The following R3HCC1 variants were observed in gnomAD, a reference collection of about 807,000 sequenced individuals.
R3HCC1 encodes the protein R3H domain and coiled-coil containing 1, also known as R3H and coiled-coil domain-containing protein 1.
Under a neutral mutation model 40.0 loss-of-function variants are expected in R3HCC1, and 32 were observed. The observed-to-expected ratio is 0.80, with a 90% CI of 0.60 to 1.07. The LOEUF is 1.07. R3HCC1 is among the 50% of genes least tolerant of loss of function. R3HCC1 has a pLI of 0.00. For missense variants in R3HCC1, 586 were observed against 563.3 expected (o/e 1.04, Z -0.41); for synonymous variants, 237 against 232.8 (o/e 1.02, Z -0.17).
At position 23,288,501 on chromosome 8, in the gene R3HCC1, T is replaced by TA. The variant is rs1319095249; in HGVS notation, c.-18-4dup. 13 of 1,535,984 alleles carry TA rather than the reference T, an allele frequency of 8.5e-6. No homozygotes were observed. Among genetic ancestry groups the TA allele is most frequent in the Non-Finnish European group, 1.1e-5 (13 of 1,146,804 alleles). On this transcript the variant is annotated splice_region_variant and splice_polypyrimidine_tract_variant and intron_variant, in intron 1 of 7. Transcript: ENST00000265806. Reference sequence around the variant, plus strand: ...GATTCCCGGCCCTGCCCGTCTCTCTTACAGGCTCTCCCACCTGTCACCCTG... The same window carrying TA: ...GATTCCCGGCCCTGCCCGTCTCTCTTAACAGGCTCTCCCACCTGTCACCCTG...
chr8:23,290,238 G>A lies in R3HCC1; in HGVS notation c.621G>A (p.Leu207=). 6.4e-7 allele frequency: 1 copy of A among 1,551,766 alleles called. No homozygotes were observed. The highest frequency in any genetic ancestry group is 8.7e-7 in the Non-Finnish European group (1 of 1,147,004). ...GACAAAGGTGTGAGAATGAGCCACT[G>A]CTGGACCCTGTTGGCCCTGAGCCTC... The change falls in exon 4 of 8, where the codon CTG becomes CTA. Residue 207 remains leucine, a synonymous_variant. Transcript: ENST00000265806.
rs1350090573 is a variant in R3HCC1 at position 23,291,537 on chromosome 8, AGTG to A, written c.1025+9_1025+11del. On this transcript the variant is annotated splice_donor_5th_base_variant and intron_variant, in intron 5 of 7. Coordinates refer to ENST00000265806, the MANE Select transcript of R3HCC1 (RefSeq NM_001136108.3). ...TGGCAACGTTTTCTGAGTTCCAGTGAGTGGTGGCTGGGGAGGTGCTGCCTTCAG... is the reference window on the plus strand; with the variant it reads ...TGGCAACGTTTTCTGAGTTCCAGTGAGTGGCTGGGGAGGTGCTGCCTTCAG... The A allele has an allele frequency of 6.5e-7, 1 of 1,550,098 alleles. No homozygotes were observed. The highest frequency in any genetic ancestry group is 8.7e-7 in the Non-Finnish European group (1 of 1,146,700).
chr8:23,292,136 C>CT (rs988778050), intron 5 of R3HCC1, among the ~76,000 whole-genome samples: 16 of 151,398 alleles, frequency 1.1e-4, no homozygotes, highest in South Asian at 4.2e-4. Context: ...TCTTTCTCCT[C>CT]TTTTTTTTTG....
At chr8:23,288,778 C>A in intron 2 of R3HCC1, 145 bp downstream of exon 2, 3 of 1,123,964 alleles carry the variant, frequency 2.7e-6, no homozygotes, top group Non-Finnish European at 3.7e-6. Context: ...CCTCTTTTAG[C>A]TGCATCTTTG....
At chr8:23,294,708 T>A (rs1802951249) in intron 6 of R3HCC1, 61 bp from the exon 7 acceptor site, 1 of 1,248,328 alleles carries the variant, frequency 8.0e-7, no homozygotes, top group African/African-American at 1.5e-5. Flanking sequence ...TTCGGGGTGG[T>A]GGGTGTGCCG....
chr8:23,294,461 C>T (rs941616976), intron 6 of R3HCC1, among the ~76,000 whole-genome samples: 1 of 152,108 alleles, frequency 6.6e-6, no homozygotes, highest in Admixed American at 6.5e-5. Flanking sequence ...TGTGTTTAGC[C>T]CTGGGGCTTT....
intron 4 of R3HCC1, 76 bp downstream of exon 4, chr8:23,290,545 G>T: frequency 2.1e-6 from 3 of 1,461,124 alleles, no homozygotes; most frequent in Admixed American, 2.3e-5. Context: ...GGGACCAAGG[G>T]TTATGGTGTG....
At chr8:23,288,674 AG>A (rs1294052789) in intron 2 of R3HCC1, 41 bp downstream of exon 2, 2 of 1,529,508 alleles carry the variant, frequency 1.3e-6, no homozygotes, top group African/African-American at 1.4e-5. Flanking sequence ...CTTGCTGGGA[AG>A]GGCAGGGTTC....
chr8:23,288,550 C>T lies in R3HCC1; in HGVS notation c.27C>T (p.Val9=). The T allele has an allele frequency of 6.5e-7, 1 of 1,536,040 alleles. No homozygotes were observed. The highest frequency in any genetic ancestry group is 8.7e-7 in the Non-Finnish European group (1 of 1,146,872). ...TGGCCCTTCTCTGCTTGGATGGTGT[C>T]TTCCTCTCCTCAGCCGAGAATGACT... Residue 9 remains valine, a synonymous_variant, in exon 2 of 8, where the codon GTC becomes GTT. Transcript: ENST00000265806.
At chr8:23,289,258 C>G in intron 3 of R3HCC1, 105 bp downstream of exon 3, 1 of 1,284,610 alleles carries the variant, frequency 7.8e-7, no homozygotes, top group Non-Finnish European at 1.1e-6. Flanking sequence ...AGGGCTGGGA[C>G]CCCCGGCTGC....
chr8:23,295,849 G>T, intron 7 of R3HCC1, 118 bp from the exon 8 acceptor site: 1 of 1,350,308 alleles, frequency 7.4e-7, no homozygotes, highest in Non-Finnish European at 9.9e-7. Context: ...GCTGGGCCGA[G>T]GCCCCACATG....
chr8:23,296,059 A>G lies in R3HCC1; in HGVS notation c.1285A>G (p.Lys429Glu). Reference sequence around the variant, plus strand: ...GGCCCTGGGACTCCAACACAAAAAGAAAGAGCGGCCTGCTGTCCGGGGTCC... The same window carrying G: ...GGCCCTGGGACTCCAACACAAAAAGGAAGAGCGGCCTGCTGTCCGGGGTCC... The change falls in exon 8 of 8, where the codon AAA becomes GAA. Residue 429 changes from lysine (K) to glutamate (E), a missense_variant. By Grantham distance (56) the Lys-to-Glu change is moderately conservative. Coordinates refer to ENST00000265806, the MANE Select transcript of R3HCC1 (RefSeq NM_001136108.3). 1 of 1,550,628 alleles carries G rather than the reference A, an allele frequency of 6.4e-7. No individual in the cohort carries two copies. The highest frequency in any genetic ancestry group is 2.4e-5 in the East Asian group (1 of 40,890).
chr8:23,293,446 A>G (rs1802916582), intron 6 of R3HCC1, 73 bp downstream of exon 6: 1 of 1,185,350 alleles, frequency 8.4e-7, no homozygotes, highest in Non-Finnish European at 1.2e-6. Context: ...TTCCCTGGGT[A>G]GAGGCCACCA....
At position 23,296,127 on chromosome 8, in the gene R3HCC1, C is replaced by T. The variant is rs753619888; in HGVS notation, c.*30C>T. On this transcript the variant is annotated 3_prime_UTR_variant, in exon 8 of 8. Coordinates refer to ENST00000265806, the MANE Select transcript of R3HCC1 (RefSeq NM_001136108.3). ...TGGAGACCCAACTGGCCTGGATCTG[C>T]GTCCCGACGTAGCTGGCGCCCCCAA... The T allele has an allele frequency of 3.4e-5, 52 of 1,536,458 alleles. No homozygotes were observed. The South Asian group carries it at 3.5e-4, about 10-fold the overall frequency.
At chr8:23,293,430 C>A in intron 6 of R3HCC1, 57 bp downstream of exon 6, 1 of 1,367,404 alleles carries the variant, frequency 7.3e-7, no homozygotes. Context: ...GAGGGAGGAC[C>A]CTTGGTTCCC....
Position 23,289,966 on chromosome 8 carries a change from G to A in R3HCC1, c.349G>A (p.Ala117Thr). 1 of 1,536,362 alleles carries A rather than the reference G, an allele frequency of 6.5e-7. No homozygotes were observed. Among genetic ancestry groups the A allele is most frequent in the Non-Finnish European group, 8.7e-7 (1 of 1,146,948 alleles). ...GCCCATCTCCAACCAAGGAGCAGCT[G>A]CGGTTCCCCGAGGTGCCCGGGCTGG... The change falls in exon 4 of 8, where the codon GCG (alanine) becomes ACG (threonine). Residue 117 changes from alanine (A) to threonine (T), a missense_variant. Ala to Thr is a moderately conservative substitution (Grantham distance 58). Coordinates refer to ENST00000265806, the MANE Select transcript of R3HCC1 (RefSeq NM_001136108.3).
At chr8:23,295,892 A>G in intron 7 of R3HCC1, 75 bp from the exon 8 acceptor site, 2 of 1,475,798 alleles carry the variant, frequency 1.4e-6, no homozygotes, top group Non-Finnish European at 1.8e-6. Context: ...GATGGCTTGT[A>G]CGGCTGCTGT....
rs149535009 is a variant in R3HCC1, at chr8:23,288,697, G to C, written c.110+64G>C. 154 of 1,520,988 alleles carry C rather than the reference G, an allele frequency of 1.0e-4. 1 individual carries two copies. The African/African-American group carries it at 1.9e-3, about 19-fold the overall frequency. The allele number at this position is 1,520,988 out of a possible 1,614,324, so 94.2% of individuals were successfully genotyped here. On this transcript the variant is annotated intron_variant, in intron 2 of 7. Transcript: ENST00000265806. Reference sequence around the variant, plus strand: ...GAAGGGCAGGGTTCCCGAGCCGCCTGTGTGCCCTCCCCCAGGTGGTGCCTG... The same window carrying C: ...GAAGGGCAGGGTTCCCGAGCCGCCTCTGTGCCCTCCCCCAGGTGGTGCCTG...
chr8:23,288,148 A>T lies in R3HCC1; in HGVS notation c.-28A>T. On this transcript the variant is annotated 5_prime_UTR_variant, in exon 1 of 8. Coordinates refer to ENST00000265806, the MANE Select transcript of R3HCC1 (RefSeq NM_001136108.3). Reference sequence around the variant, plus strand: ...CGCCGAGGGCGGCTGCGACGCGCCGAGAGGCCGCGGTGAGTGCAGCAGCAC... The same window carrying T: ...CGCCGAGGGCGGCTGCGACGCGCCGTGAGGCCGCGGTGAGTGCAGCAGCAC... The T allele has an allele frequency of 8.0e-7, 1 of 1,249,266 alleles. No homozygotes were observed. Among genetic ancestry groups the T allele is most frequent in the African/African-American group, 1.6e-5 (1 of 63,984 alleles). The allele number at this position is 1,249,266 out of a possible 1,614,324, so 77.4% of individuals were successfully genotyped here.
Sources: gnomAD v4.1 joint callset for allele counts (sites outside exome capture counted in the v4.1 genomes callset) on GRCh38, gnomAD v4.1.1 for gene constraint, MANE v1.5 for transcripts, NCBI Gene and HGNC (gene_info 2026-07-23, HGNC 2026-07-21) for gene names.